HNRNPA1: variants seen among roughly 807,000 people sequenced by gnomAD.
HNRNPA1 encodes epididymis secretory sperm binding protein.
HNRNPA1 carries 7 observed loss-of-function variants against 44.4 expected under a neutral mutation model. The observed-to-expected ratio is 0.16, with a 90% confidence interval of 0.09 to 0.30. The LOEUF (loss-of-function observed/expected upper bound fraction) is 0.30, where lower values mean the gene tolerates loss of function less well. HNRNPA1 is among the 10% of genes least tolerant of loss of function. The probability of loss-of-function intolerance (pLI) is 1.00; values close to 1 mark genes in which losing one functional copy is unlikely to be tolerated. For missense variants in HNRNPA1, 193 were observed against 465.8 expected (o/e 0.41, Z 5.39); for synonymous variants, 169 against 160.6 (o/e 1.05, Z -0.40).
At chr12:54,281,108 C>T (rs560318055) in intron 1 of HNRNPA1, 3 of 700,380 alleles carry the variant, frequency 4.3e-6, no homozygotes, top group Admixed American at 2.0e-5. Flanking sequence ...AGCGAGTTTT[C>T]TAAAGAGCGA....
chr12:54,281,289 G>A (rs1474988275), intron 1 of HNRNPA1, 97 bp from the exon 2 acceptor site: 10 of 754,818 alleles, frequency 1.3e-5, no homozygotes, highest in Non-Finnish European at 2.4e-5. Context: ...CGAACAATAA[G>A]TGCTAGGTAC....
At chr12:54,283,998 CAA>C (rs781092302) in intron 9 of HNRNPA1, 31 bp downstream of exon 9, 271 of 1,600,896 alleles carry the variant, frequency 1.7e-4, no homozygotes, top group Non-Finnish European at 2.2e-4. Context: ...TGGATAATGT[CAA>C]AAGAGTGTCT....
At position 54,286,658 on chromosome 12, in the gene HNRNPA1, C is replaced by T. The variant is rs1829393197; in HGVS notation, c.*2114C>T. 1 of 152,046 alleles carries T rather than the reference C, an allele frequency of 6.6e-6. No individual in the cohort carries two copies. Among genetic ancestry groups the T allele is most frequent in the African/African-American group, 2.4e-5 (1 of 41,390 alleles). The allele number at this position is 152,046 out of a possible 1,614,324, so 9.4% of individuals were successfully genotyped here. ...CTAGTTCTAAAGGTTGTTTACTTTT[C>T]TAGGGAGGAGTCTGCTACTAGTCTT... On this transcript the variant is annotated 3_prime_UTR_variant, in exon 11 of 11. Transcript: ENST00000340913.
chr12:54,287,074 CTG>C lies in HNRNPA1; in HGVS notation c.*2532_*2533del, dbSNP rs948533591. On this transcript the variant is annotated 3_prime_UTR_variant, in exon 11 of 11. Transcript: ENST00000340913. The stretch of plus-strand genomic sequence containing the variant: ...TGAATGGGTTTTTTTTTTTAATAAA[CTG>C]TATTTAACTTAGTTCTGCTTGTTTT... The C allele has an allele frequency of 2.0e-5, 3 of 151,444 alleles. No homozygotes were observed. Among genetic ancestry groups the C allele is most frequent in the South Asian group, 2.1e-4 (1 of 4,818 alleles). 9.4% of individuals were successfully genotyped at this position (151,444 alleles called of 1,614,324 possible). A position where few individuals can be genotyped will look rare whatever the true frequency, so the allele number is the denominator to read the frequency against.
chr12:54,284,400 A>G, intron 10 of HNRNPA1, 83 bp downstream of exon 10: 1 of 1,137,274 alleles, frequency 8.8e-7, no homozygotes, highest in Non-Finnish European at 1.3e-6. Context: ...TGAGCAGTGC[A>G]ACATAGTTAA....
intron 1 of HNRNPA1, 115 bp from the exon 2 acceptor site, chr12:54,281,271 G>T (rs1172843868): frequency 2.7e-6 from 2 of 733,306 alleles, no homozygotes; most frequent in African/African-American, 1.8e-5. Context: ...GTCTTGTTGC[G>T]ACCTGAACGA....
At chr12:54,281,202 G>A (rs1451380531) in intron 1 of HNRNPA1, 184 bp from the exon 2 acceptor site, 3 of 699,656 alleles carry the variant, frequency 4.3e-6, no homozygotes, top group African/African-American at 1.8e-5. Context: ...GCATGCGCTT[G>A]CGATTTCCTA....
intron 5 of HNRNPA1, 34 bp downstream of exon 5, chr12:54,282,520 A>C (rs768024761): frequency 1.2e-6 from 2 of 1,608,920 alleles, no homozygotes; most frequent in East Asian, 4.5e-5. Flanking sequence ...CTTAAAGGTA[A>C]CTTTGAGTTA....
rs1565882862 is a variant in HNRNPA1, at chr12:54,286,106, A to G, written c.*1562A>G. 6.6e-6 allele frequency: 1 copy of G among 152,120 alleles called. No homozygotes were observed. Among genetic ancestry groups the G allele is most frequent in the Non-Finnish European group, 1.5e-5 (1 of 68,012 alleles). The allele number at this position is 152,120 out of a possible 1,614,324, so 9.4% of individuals were successfully genotyped here. A position where few individuals can be genotyped will look rare whatever the true frequency, so the allele number is the denominator to read the frequency against. On this transcript the variant is annotated 3_prime_UTR_variant, in exon 11 of 11. Transcript: ENST00000340913. ...AGACACTCTACAGCTGAGAGTAGAC[A>G]CTTGTGGTATGTGGAGTACAGATAA...
At position 54,283,093 on chromosome 12, in the gene HNRNPA1, GGCGGCCCTGGTTACTCTGGAGGAA is replaced by G. The variant is rs1292930461; in HGVS notation, c.769_792del (p.Gly257_Ser264del). 4 of 1,613,074 alleles carry G rather than the reference GGCGGCCCTGGTTACTCTGGAGGAA, an allele frequency of 2.5e-6. No individual in the cohort carries two copies. Among genetic ancestry groups the G allele is most frequent in the East Asian group, 4.5e-5 (2 of 44,900 alleles). On this transcript the variant is annotated inframe_deletion, in exon 8 of 11. Coordinates refer to ENST00000340913, the MANE Select transcript of HNRNPA1 (RefSeq NM_031157.4). ...TATTCTTGTAGGTGGTTATGGAGGA[GGCGGCCCTGGTTACTCTGGAGGAA>G]GCAGAGGCTATGGAAGTGGTGGACA...
At chr12:54,284,053 G>A (rs1944225571) in intron 9 of HNRNPA1, 86 bp downstream of exon 9, 2 of 1,483,024 alleles carry the variant, frequency 1.3e-6, no homozygotes, top group East Asian at 4.5e-5. Flanking sequence ...GCTATGTCTG[G>A]GCAGCAAAAC....
At position 54,283,801 on chromosome 12, in the gene HNRNPA1, C is replaced by A; in HGVS notation, c.908-11C>A. On this transcript the variant is annotated splice_polypyrimidine_tract_variant and intron_variant, in intron 8 of 10. Coordinates refer to ENST00000340913, the MANE Select transcript of HNRNPA1 (RefSeq NM_031157.4). ...CAGGTAACAGATAAAGGCCCTCTTT[C>A]CCATTCATAGGAAGCAATTTTGGAG... The A allele has an allele frequency of 6.2e-7, 1 of 1,613,352 alleles. No individual in the cohort carries two copies. Among genetic ancestry groups the A allele is most frequent in the Non-Finnish European group, 8.5e-7 (1 of 1,179,372 alleles).
chr12:54,284,313 A>G lies in HNRNPA1; in HGVS notation c.1119A>G (p.Ter373=). ...SSSYGSGRRF[*] Reference sequence around the variant, plus strand: ...GCTATGGCAGTGGCAGAAGATTTTAATTAGGTAAGTAAGCACCTTTTTGTG... The same window carrying G: ...GCTATGGCAGTGGCAGAAGATTTTAGTTAGGTAAGTAAGCACCTTTTTGTG... Residue 373 remains the stop codon, a stop_retained_variant, in exon 10 of 11, where the codon TAA becomes TAG. Transcript: ENST00000340913. 1.9e-6 allele frequency: 3 copies of G among 1,613,862 alleles called. No homozygotes were observed. The highest frequency in any genetic ancestry group is 8.5e-7 in the Non-Finnish European group (1 of 1,179,824).
In HNRNPA1 at chr12:54,283,945, C is replaced by T; in HGVS notation, c.1041C>T (p.Tyr347=). The T allele has an allele frequency of 1.9e-6, 3 of 1,607,306 alleles. No homozygotes were observed. Among genetic ancestry groups the T allele is most frequent in the Non-Finnish European group, 2.5e-6 (3 of 1,179,988 alleles). ...SSGPYGGGGQ[Y]FAKPRNQGGY... ...GCCCCTATGGCGGTGGAGGCCAATA[C>T]TTTGCAAAACCACGAAACCAAGGTA... The change falls in exon 9 of 11, where the codon TAC becomes TAT. Residue 347 remains tyrosine, a synonymous_variant. Coordinates refer to ENST00000340913, the MANE Select transcript of HNRNPA1 (RefSeq NM_031157.4).
Position 54,284,953 on chromosome 12 carries a change from C to T in HNRNPA1, c.*409C>T. ...CCCCAACAGTGTGAAGTTAGAATTC[C>T]TTCAGGGTGATGCCAGGTTCTATTT... On this transcript the variant is annotated 3_prime_UTR_variant, in exon 11 of 11. Coordinates refer to ENST00000340913, the MANE Select transcript of HNRNPA1 (RefSeq NM_031157.4). 4.4e-6 allele frequency: 1 copy of T among 228,424 alleles called. No homozygotes were observed. The highest frequency in any genetic ancestry group is 5.3e-5 in the South Asian group (1 of 19,044). 14.1% of individuals were successfully genotyped at this position (228,424 alleles called of 1,614,324 possible).
At position 54,282,784 on chromosome 12, in the gene HNRNPA1, A is replaced by T; in HGVS notation, c.677-16A>T. 2.6e-6 allele frequency: 4 copies of T among 1,558,258 alleles called. No individual in the cohort carries two copies. The highest frequency in any genetic ancestry group is 3.5e-6 in the Non-Finnish European group (4 of 1,150,134). On this transcript the variant is annotated splice_polypyrimidine_tract_variant and intron_variant, in intron 6 of 10. Coordinates refer to ENST00000340913, the MANE Select transcript of HNRNPA1 (RefSeq NM_031157.4). Reference sequence around the variant, plus strand: ...AAGTCCAAGTCATACTTAAAACTTGAAACTTTTTCTTACAGGTGGCTTTGG... The same window carrying T: ...AAGTCCAAGTCATACTTAAAACTTGTAACTTTTTCTTACAGGTGGCTTTGG...
chr12:54,281,085 C>T, intron 1 of HNRNPA1: 1 of 702,154 alleles, frequency 1.4e-6, no homozygotes, highest in East Asian at 2.7e-5. Flanking sequence ...TTTTTTTAAA[C>T]CTTGCCTTGG....
intron 4 of HNRNPA1, 40 bp downstream of exon 4, chr12:54,282,340 T>G (rs772068191): frequency 1.2e-6 from 2 of 1,611,138 alleles, no homozygotes; most frequent in Admixed American, 1.7e-5. Context: ...GGTTCCACAA[T>G]CTGTATGGCA....
intron 1 of HNRNPA1, 124 bp from the exon 2 acceptor site, chr12:54,281,262 T>G: frequency 1.4e-6 from 1 of 730,492 alleles, no homozygotes; most frequent in South Asian, 1.6e-5. Context: ...GAAGCACGTG[T>G]CTTGTTGCGA....
Sources: gnomAD v4.1 joint callset for allele counts on GRCh38, gnomAD v4.1.1 for gene constraint, MANE v1.5 for transcripts, NCBI Gene and HGNC (gene_info 2026-07-23, HGNC 2026-07-21) for gene names.